PAX5: variants seen among roughly 807,000 people sequenced by gnomAD.
PAX5 encodes paired box protein Pax-5.
Under a neutral mutation model 43.7 loss-of-function variants are expected in PAX5, and 9 were observed. The observed-to-expected ratio is 0.21, with a 90% CI of 0.12 to 0.36. The LOEUF (loss-of-function observed/expected upper bound fraction) is 0.36, where lower values mean the gene tolerates loss of function less well. Among genes scored for constraint, PAX5 ranks in the 10% least tolerant of loss-of-function variants. PAX5 has a pLI of 1.00. For synonymous variants in PAX5, 228 were observed against 214.3 expected (o/e 1.06, Z -0.56); for missense variants, 383 against 532.7 (o/e 0.72, Z 2.77).
intron 5 of PAX5, among the ~76,000 whole-genome samples, chr9:37,001,208 C>T (rs1168471193): frequency 6.6e-6 from 1 of 152,178 alleles, no homozygotes; most frequent in Non-Finnish European, 1.5e-5. Context: ...TAAATAATGC[C>T]CCCAGGCCAG....
chr9:36,889,348 A>G (rs1035793899), intron 7 of PAX5, among the ~76,000 whole-genome samples: 3 of 152,266 alleles, frequency 2.0e-5, no homozygotes, highest in Admixed American at 1.3e-4. Context: ...AATAACAATA[A>G]CAGCTAATAT....
intron 6 of PAX5, among the ~76,000 whole-genome samples, chr9:36,925,954 C>T (rs1830609550): frequency 6.6e-6 from 1 of 152,212 alleles, no homozygotes; most frequent in African/African-American, 2.4e-5. Flanking sequence ...ACAATAACAA[C>T]CACAGTCTTC....
intron 5 of PAX5, among the ~76,000 whole-genome samples, chr9:36,987,889 A>T: frequency 6.6e-6 from 1 of 152,230 alleles, no homozygotes; most frequent in East Asian, 1.9e-4. Context: ...AACTGATAAA[A>T]TGTGCCAGCA....
At position 37,011,475 on chromosome 9, in the gene PAX5, C is replaced by T. The variant is rs1040495977; in HGVS notation, c.410+3522G>A. Among the ~76,000 whole-genome samples the T allele has an allele frequency of 2.0e-5, 3 of 152,146 alleles. No individual in the cohort carries two copies. The East Asian group carries it at 5.8e-4, about 29-fold the overall frequency. On this transcript the variant is annotated intron_variant, in intron 3 of 9. Coordinates refer to ENST00000358127, the MANE Select transcript of PAX5 (RefSeq NM_016734.3). ...ACTTGTACTCCCCACCCCTTGGCCA[C>T]GGTGCTGGAATAGAAGAAGGAAGAC...
At chr9:36,941,354 C>A (rs1279713766) in intron 6 of PAX5, among the ~76,000 whole-genome samples, 1 of 152,214 alleles carries the variant, frequency 6.6e-6, no homozygotes, top group Non-Finnish European at 1.5e-5. Flanking sequence ...TTTACTACCG[C>A]TATTATTCCT....
chr9:36,941,842 G>A (rs1355629520), intron 6 of PAX5, among the ~76,000 whole-genome samples: 1 of 152,186 alleles, frequency 6.6e-6, no homozygotes, highest in Non-Finnish European at 1.5e-5. Flanking sequence ...TCCAGGACAT[G>A]AGACTCACAC....
Position 36,950,927 on chromosome 9 carries a change from A to G in PAX5, c.780+15622T>C, listed in dbSNP as rs569955040. Among the ~76,000 whole-genome samples the G allele has an allele frequency of 2.6e-5, 4 of 152,138 alleles. No individual in the cohort carries two copies. In the East Asian group the frequency reaches 7.7e-4, roughly 29 times the overall value. ...AGCTAATTTTTTGTATCTTTAGTAGAGACGGGGTTTCACCATCTCGAGACC... is the reference window on the plus strand; with the variant it reads ...AGCTAATTTTTTGTATCTTTAGTAGGGACGGGGTTTCACCATCTCGAGACC... On this transcript the variant is annotated intron_variant, in intron 6 of 9. Transcript: ENST00000358127.
intron 7 of PAX5, among the ~76,000 whole-genome samples, chr9:36,919,839 CAAAAAAAAAAAAAA>C (rs61173333): frequency 2.4e-4 from 16 of 66,210 alleles, no homozygotes; most frequent in Non-Finnish European, 3.8e-4. Flanking sequence ...GACTCTGTCT[CAAAAAAAAAAAAAA>C]AAAAAAAAAA....
At chr9:36,953,595 T>A (rs998699413) in intron 6 of PAX5, among the ~76,000 whole-genome samples, 1 of 152,216 alleles carries the variant, frequency 6.6e-6, no homozygotes, top group Non-Finnish European at 1.5e-5. Context: ...ATTCTTGGTT[T>A]GGCTGTGTCC....
chr9:36,846,699 C>T, intron 9 of PAX5, 144 bp downstream of exon 9: 2 of 571,936 alleles, frequency 3.5e-6, no homozygotes, highest in Non-Finnish European at 6.3e-6. Context: ...CCCATGAAAA[C>T]ACCTGTGCTC....
At chr9:36,908,961 T>C (rs540129659) in intron 7 of PAX5, among the ~76,000 whole-genome samples, 25 of 152,386 alleles carry the variant, frequency 1.6e-4, no homozygotes, top group African/African-American at 5.8e-4. Context: ...AAATATTTCT[T>C]GGGAACATTG....
At chr9:36,880,280 C>T (rs1296300397) in intron 8 of PAX5, among the ~76,000 whole-genome samples, 3 of 152,238 alleles carry the variant, frequency 2.0e-5, no homozygotes, top group South Asian at 2.1e-4. Context: ...ACACCCAGCC[C>T]GCACATCCAA....
intron 6 of PAX5, among the ~76,000 whole-genome samples, chr9:36,964,703 T>A (rs1834272589): frequency 6.6e-6 from 1 of 152,084 alleles, no homozygotes; most frequent in South Asian, 2.1e-4. Flanking sequence ...TCCTCCCGTG[T>A]CAGAGAAAAT....
At chr9:36,889,881 C>A (rs917881750) in intron 7 of PAX5, among the ~76,000 whole-genome samples, 3 of 140,446 alleles carry the variant, frequency 2.1e-5, no homozygotes, top group African/African-American at 5.5e-5. Flanking sequence ...TTAGACGCAA[C>A]TTTTTCTTTT....
chr9:36,990,223 A>G (rs1272966205), intron 5 of PAX5, among the ~76,000 whole-genome samples: 1 of 152,240 alleles, frequency 6.6e-6, no homozygotes, highest in Non-Finnish European at 1.5e-5. Flanking sequence ...TTCAATTCAT[A>G]TAACAGTCCA....
chr9:36,963,201 GCCACA>G (rs1348099084), intron 6 of PAX5, among the ~76,000 whole-genome samples: 1 of 152,210 alleles, frequency 6.6e-6, no homozygotes, highest in Admixed American at 6.5e-5. Flanking sequence ...TCATTATCCT[GCCACA>G]CAGTTCGCCT....
chr9:36,923,285 C>G (rs1830328194), intron 7 of PAX5, 70 bp downstream of exon 7: 3 of 1,540,132 alleles, frequency 1.9e-6, no homozygotes, highest in Non-Finnish European at 2.6e-6. Flanking sequence ...CAAGAAGCCA[C>G]TCTTCCCACC....
At chr9:36,932,602 G>T (rs1831219805) in intron 6 of PAX5, among the ~76,000 whole-genome samples, 2 of 152,316 alleles carry the variant, frequency 1.3e-5, no homozygotes, top group South Asian at 4.1e-4. Flanking sequence ...CAGCATGAGG[G>T]ATCTTTCTGG....
rs1368567138 is a variant in PAX5 at position 36,973,068 on chromosome 9, A to AGGAACGGAAC, written c.605-6354_605-6345dup. On this transcript the variant is annotated intron_variant, in intron 5 of 9. Coordinates refer to ENST00000358127, the MANE Select transcript of PAX5 (RefSeq NM_016734.3). The stretch of plus-strand genomic sequence containing the variant: ...AAAGAAAGAAAGAAAAGGAAAGGAA[A>AGGAACGGAAC]GGAACGGAACGGAACGGAAAGGAAA... Among the ~76,000 whole-genome samples the AGGAACGGAAC allele has an allele frequency of 1.2e-3, 127 of 110,300 alleles. 3 individuals are homozygous for AGGAACGGAAC. The highest frequency in any genetic ancestry group is 4.2e-3 in the Middle Eastern group (1 of 238). 72.4% of individuals were successfully genotyped at this position (110,300 alleles called of 152,430 possible).
Sources: allele counts gnomAD v4.1 joint callset (sites outside exome capture counted in the v4.1 genomes callset), GRCh38; gene constraint gnomAD v4.1.1; transcripts MANE v1.5; gene names NCBI Gene and HGNC (gene_info 2026-07-23, HGNC 2026-07-21).